Variants in FLT3 observed in about 807,000 individuals in gnomAD.
The protein encoded by FLT3 is receptor-type tyrosine-protein kinase FLT3.
Under a neutral mutation model 126.6 loss-of-function variants are expected in FLT3, and 46 were observed. The ratio of observed to expected loss-of-function variants is 0.36; its 90% CI spans 0.29 to 0.46. The LOEUF is 0.46. Ranked by LOEUF, FLT3 falls within the 20% of genes least tolerant of loss-of-function variation. The pLI is 1.00. For missense variants in FLT3, 1,069 were observed against 1,190.3 expected (o/e 0.90, Z 1.50); for synonymous variants, 404 against 434.4 (o/e 0.93, Z 0.87).
rs2137729907 is a variant in FLT3 at position 28,049,909 on chromosome 13, T to C, written c.743-135A>G. The C allele has an allele frequency of 9.7e-6, 11 of 1,131,136 alleles. No individual in the cohort carries two copies. The South Asian group carries it at 1.3e-4, about 13-fold the overall frequency. 70.1% of individuals were successfully genotyped at this position (1,131,136 alleles called of 1,614,324 possible). A position where few individuals can be genotyped will look rare whatever the true frequency, so the allele number is the denominator to read the frequency against. On this transcript the variant is annotated intron_variant, in intron 6 of 23. Transcript: ENST00000241453. ...TAACCACATTAATAAAAGAAGCTTT[T>C]AGAGACTGACTCCTCTTTTATGAAG...
intron 1 of FLT3, among the ~76,000 whole-genome samples, chr13:28,081,602 C>A (rs1285720946): frequency 2.6e-5 from 4 of 151,960 alleles, no homozygotes; most frequent in African/African-American, 7.2e-5. Context: ...TTCTTTTTCA[C>A]GTCTTAATAC....
intron 1 of FLT3, among the ~76,000 whole-genome samples, chr13:28,087,760 C>T (rs1185509809): frequency 1.3e-5 from 2 of 152,050 alleles, no homozygotes; most frequent in Non-Finnish European, 2.9e-5. Context: ...GTTGCTATGC[C>T]GCCAAGTCCA....
chr13:28,051,904 C>CA (rs1241064863), intron 5 of FLT3, among the ~76,000 whole-genome samples: 2 of 151,402 alleles, frequency 1.3e-5, no homozygotes, highest in East Asian at 3.9e-4. Flanking sequence ...CTTTTTGCCC[C>CA]AACCAGATGC....
intron 21 of FLT3, 63 bp downstream of exon 21, chr13:28,015,527 G>GCCCCC: frequency 1.6e-6 from 1 of 644,462 alleles, no homozygotes; most frequent in Non-Finnish European, 2.8e-6. Flanking sequence ...GGGTGGGGCG[G>GCCCCC]CACCGAGAGA....
At chr13:28,048,914 A>T (rs1875152591) in intron 8 of FLT3, among the ~76,000 whole-genome samples, 1 of 152,210 alleles carries the variant, frequency 6.6e-6, no homozygotes, top group Non-Finnish European at 1.5e-5. Context: ...AGATTATTGA[A>T]CTGTGGTTAT....
chr13:28,048,470 G>T lies in FLT3; in HGVS notation c.1037-27C>A, dbSNP rs199999993. 4 of 1,417,430 alleles carry T rather than the reference G, an allele frequency of 2.8e-6. No individual in the cohort carries two copies. In the East Asian group the frequency reaches 9.1e-5, roughly 32 times the overall value. 87.8% of individuals were successfully genotyped at this position (1,417,430 alleles called of 1,614,324 possible). ...TGTAAGAAAAAATAGGCATTTATGAGTTAGTTAATAATATTCATAGGGAAA... is the reference window on the plus strand; with the variant it reads ...TGTAAGAAAAAATAGGCATTTATGATTTAGTTAATAATATTCATAGGGAAA... On this transcript the variant is annotated intron_variant, in intron 8 of 23. Coordinates refer to ENST00000241453, the MANE Select transcript of FLT3 (RefSeq NM_004119.3).
intron 23 of FLT3, among the ~76,000 whole-genome samples, chr13:28,007,988 C>T (rs1011481190): frequency 5.9e-5 from 9 of 152,092 alleles, no homozygotes; most frequent in Non-Finnish European, 1.3e-4. Context: ...TCATTTTCCT[C>T]CTCCTCTCTC....
chr13:28,049,567 T>C, intron 7 of FLT3, 30 bp from the exon 8 acceptor site: 1 of 1,612,534 alleles, frequency 6.2e-7, no homozygotes, highest in Non-Finnish European at 8.5e-7. Flanking sequence ...AGTTTGCATT[T>C]AATGTTTTCA....
intron 17 of FLT3, among the ~76,000 whole-genome samples, chr13:28,025,693 C>T (rs980808812): frequency 3.9e-5 from 6 of 152,194 alleles, no homozygotes; most frequent in Admixed American, 3.9e-4. Flanking sequence ...TCACACACAT[C>T]GGACTCAGTA....
chr13:28,010,153 G>T (rs112701727), intron 23 of FLT3, among the ~76,000 whole-genome samples: 3 of 151,978 alleles, frequency 2.0e-5, no homozygotes, highest in African/African-American at 7.3e-5. Flanking sequence ...CGCCTTCCAC[G>T]TGCTAAGCAT....
At chr13:28,050,786 G>C (rs1875372340) in intron 5 of FLT3, among the ~76,000 whole-genome samples, 1 of 151,390 alleles carries the variant, frequency 6.6e-6, no homozygotes, top group Non-Finnish European at 1.5e-5. Flanking sequence ...GCGAACTTTT[G>C]TACCACTTTG....
chr13:28,099,785 C>T (rs1879700831), intron 1 of FLT3, among the ~76,000 whole-genome samples: 1 of 152,044 alleles, frequency 6.6e-6, no homozygotes, highest in African/African-American at 2.4e-5. Flanking sequence ...TCCTCGGAGT[C>T]CTTGAAAACC....
intron 1 of FLT3, among the ~76,000 whole-genome samples, chr13:28,091,599 AT>A (rs1212003738): frequency 6.6e-6 from 1 of 151,736 alleles, no homozygotes; most frequent in Non-Finnish European, 1.5e-5. Flanking sequence ...CATTCATTCA[AT>A]GTTCTTTCTC....
At chr13:28,064,131 C>T (rs1289810655) in intron 2 of FLT3, among the ~76,000 whole-genome samples, 1 of 151,868 alleles carries the variant, frequency 6.6e-6, no homozygotes, top group African/African-American at 2.4e-5. Context: ...AGCTGACATA[C>T]TAGAAGAAAA....
At chr13:28,067,910 C>T in intron 2 of FLT3, 1 of 390,532 alleles carries the variant, frequency 2.6e-6, no homozygotes, top group Non-Finnish European at 5.1e-6. Flanking sequence ...CTGGCTTGTG[C>T]AGGCCACCTG....
intron 1 of FLT3, among the ~76,000 whole-genome samples, chr13:28,090,212 AT>A (rs1387461759): frequency 6.7e-6 from 1 of 148,560 alleles, no homozygotes; most frequent in African/African-American, 2.5e-5. Flanking sequence ...AATTTTTTGT[AT>A]TTTTAGTAGA....
chr13:28,046,426 C>T (rs7317427), intron 9 of FLT3, among the ~76,000 whole-genome samples: 9,895 of 152,112 alleles, frequency 0.065, 1,025 homozygotes, highest in African/African-American at 0.22. Flanking sequence ...GCCAATGAAA[C>T]AGAATGTGAG....
At chr13:28,094,336 G>T (rs1207394600) in intron 1 of FLT3, among the ~76,000 whole-genome samples, 1 of 152,002 alleles carries the variant, frequency 6.6e-6, no homozygotes, top group Non-Finnish European at 1.5e-5. Context: ...GTAAATAATT[G>T]TATGGAAGAT....
intron 21 of FLT3, 122 bp from the exon 22 acceptor site, chr13:28,015,378 G>A: frequency 5.1e-6 from 4 of 786,746 alleles, no homozygotes. Flanking sequence ...CACACGGGCT[G>A]CGGCTGGGAA....
Sources: allele counts gnomAD v4.1 joint callset (sites outside exome capture counted in the v4.1 genomes callset), GRCh38; gene constraint gnomAD v4.1.1; transcripts MANE v1.5; gene names NCBI Gene and HGNC (gene_info 2026-07-23, HGNC 2026-07-21).